FSTL4: variants seen among roughly 807,000 people sequenced by gnomAD.
The protein encoded by FSTL4 is follistatin-related protein 4.
A neutral mutation model predicts 78.2 loss-of-function variants in FSTL4; 28 were observed. The observed-to-expected ratio is 0.36, with a 90% CI of 0.27 to 0.49. The LOEUF is 0.49. Ranked by LOEUF, FSTL4 falls within the 20% of genes least tolerant of loss-of-function variation. The pLI is 0.98. For synonymous variants in FSTL4, 422 were observed against 440.5 expected, an observed-to-expected ratio of 0.96 and a Z score of 0.53; for missense variants, 922 against 1,084.9, an observed-to-expected ratio of 0.85 and a Z score of 2.11.
the FSTL4 span, among the ~76,000 whole-genome samples, chr5:133,659,347 T>A: frequency 1.4e-4 from 22 of 152,242 alleles, no homozygotes; most frequent in Non-Finnish European, 2.1e-4. Context: ...ATATATAGCA[T>A]CCTCATTTTC....
At chr5:133,278,539 A>G (rs1392571594) in intron 6 of FSTL4, among the ~76,000 whole-genome samples, 1 of 152,128 alleles carries the variant, frequency 6.6e-6, no homozygotes, top group Non-Finnish European at 1.5e-5. Flanking sequence ...TGTCTTAGTG[A>G]TGACTTTTTC....
chr5:133,740,716 C>A, the FSTL4 span, among the ~76,000 whole-genome samples: 3 of 152,060 alleles, frequency 2.0e-5, no homozygotes, highest in Non-Finnish European at 4.4e-5. Flanking sequence ...CTCTGAAAAG[C>A]AAGCTCATGA....
At chr5:133,316,311 G>A in intron 5 of FSTL4, 148 bp downstream of exon 5, 1 of 601,824 alleles carries the variant, frequency 1.7e-6, no homozygotes, top group South Asian at 2.5e-5. Context: ...GAGGCTAAAG[G>A]TGGCTGGTGG....
At chr5:133,649,930 A>C in the FSTL4 span, among the ~76,000 whole-genome samples, 6 of 106,514 alleles carry the variant, frequency 5.6e-5, no homozygotes, top group Admixed American at 5.9e-4. Context: ...ATTTATCACA[A>C]AAAAAAAAAG....
the FSTL4 span, among the ~76,000 whole-genome samples, chr5:133,686,049 C>T: frequency 6.6e-6 from 1 of 152,200 alleles, no homozygotes; most frequent in Admixed American, 6.5e-5. Context: ...GCCCACAGGA[C>T]AGCACAGGGG....
the FSTL4 span, among the ~76,000 whole-genome samples, chr5:133,701,509 A>ACACACACCCCCC: frequency 3.3e-4 from 44 of 132,686 alleles, no homozygotes; most frequent in East Asian, 2.7e-3. Flanking sequence ...ACACACACAC[A>ACACACACCCCCC]CCCCACAGGC....
chr5:133,671,657 T>A, the FSTL4 span, among the ~76,000 whole-genome samples: 1 of 152,236 alleles, frequency 6.6e-6, no homozygotes, highest in Admixed American at 6.5e-5. Flanking sequence ...TGTGTCCGGT[T>A]TCCATTGGCT....
At chr5:133,576,222 A>G (rs1760275478) in intron 2 of FSTL4, among the ~76,000 whole-genome samples, 4 of 152,098 alleles carry the variant, frequency 2.6e-5, no homozygotes, top group African/African-American at 9.7e-5. Context: ...CTCAAATTCT[A>G]CCCCTAGGTC....
intron 6 of FSTL4, among the ~76,000 whole-genome samples, chr5:133,309,386 A>G (rs1000923671): frequency 1.3e-5 from 2 of 152,204 alleles, no homozygotes; most frequent in Non-Finnish European, 2.9e-5. Context: ...GCACCCTCAT[A>G]TTTCATTCCT....
intron 2 of FSTL4, among the ~76,000 whole-genome samples, chr5:133,583,059 C>A (rs1239505210): frequency 6.6e-6 from 1 of 152,198 alleles, no homozygotes; most frequent in Non-Finnish European, 1.5e-5. Flanking sequence ...GGCTGTCCCT[C>A]CATGGCAGCA....
intron 6 of FSTL4, among the ~76,000 whole-genome samples, chr5:133,250,464 G>C (rs1752188257): frequency 6.6e-6 from 1 of 152,116 alleles, no homozygotes; most frequent in South Asian, 2.1e-4. Flanking sequence ...GGCATGAGCT[G>C]AGGGAAGCAG....
chr5:133,811,913 G>A, the FSTL4 span, among the ~76,000 whole-genome samples: 1 of 152,186 alleles, frequency 6.6e-6, no homozygotes, highest in African/African-American at 2.4e-5. Context: ...CACTTGGAAT[G>A]TCTAATGTAA....
intron 6 of FSTL4, among the ~76,000 whole-genome samples, chr5:133,288,319 T>C (rs991104839): frequency 6.6e-6 from 1 of 152,186 alleles, no homozygotes; most frequent in Non-Finnish European, 1.5e-5. Flanking sequence ...GAGGCCCCTC[T>C]GTCCCGGGGG....
At chr5:133,541,545 G>C (rs1494669) in intron 3 of FSTL4, among the ~76,000 whole-genome samples, 64,621 of 152,066 alleles carry the variant, frequency 0.42, 14,289 homozygotes, top group African/African-American at 0.54. Context: ...AACAAGAGGA[G>C]GGTCAAAGAC....
At chr5:133,237,736 A>ATGT (rs1751706913) in intron 7 of FSTL4, among the ~76,000 whole-genome samples, 1 of 152,252 alleles carries the variant, frequency 6.6e-6, no homozygotes, top group Admixed American at 6.5e-5. Flanking sequence ...ATTGATTTAT[A>ATGT]AGAAGCTACA....
intron 4 of FSTL4, chr5:133,387,825 G>A (rs1003354508): frequency 2.0e-5 from 3 of 152,132 alleles, no homozygotes; most frequent in African/African-American, 7.2e-5. Flanking sequence ...CCGAGATGAA[G>A]GCACGGGGAG....
the FSTL4 span, among the ~76,000 whole-genome samples, chr5:133,661,232 C>T: frequency 3.5e-4 from 53 of 152,300 alleles, no homozygotes; most frequent in Admixed American, 5.2e-4. Flanking sequence ...ACAGGTGATC[C>T]GCCCGCCTCA....
intron 4 of FSTL4, among the ~76,000 whole-genome samples, chr5:133,398,559 G>A (rs1756132512): frequency 6.6e-6 from 1 of 152,210 alleles, no homozygotes. Flanking sequence ...CTCTACTCTC[G>A]GCCTGTGGCC....
chr5:133,357,540 C>G (rs1561684841), intron 4 of FSTL4, among the ~76,000 whole-genome samples: 1 of 152,184 alleles, frequency 6.6e-6, no homozygotes, highest in Non-Finnish European at 1.5e-5. Flanking sequence ...TTAGAAGGGG[C>G]TGATTTCAGC....
Sources: allele counts gnomAD v4.1 joint callset (sites outside exome capture counted in the v4.1 genomes callset), GRCh38; gene constraint gnomAD v4.1.1; transcripts MANE v1.5; gene names NCBI Gene and HGNC (gene_info 2026-07-23, HGNC 2026-07-21).